SETD1A: variants seen among roughly 807,000 people sequenced by gnomAD.
SETD1A encodes SET domain containing 1A, histone lysine methyltransferase.
In SETD1A, 29 loss-of-function variants were observed where a neutral mutation model predicts 149.9. That is an observed-to-expected ratio of 0.19 (90% CI 0.14 to 0.26). The LOEUF (loss-of-function observed/expected upper bound fraction) is 0.26. Ranked by LOEUF, SETD1A falls within the 10% of genes least tolerant of loss-of-function variation. The pLI is 1.00. For synonymous variants in SETD1A, 1,141 were observed against 968.5 expected (o/e 1.18, Z -3.31); for missense variants, 2,109 against 2,353.1 (o/e 0.90, Z 2.15).
Position 30,967,597 on chromosome 16 carries a change from G to C in SETD1A, c.2770+9G>C. The C allele has an allele frequency of 6.2e-7, 1 of 1,612,942 alleles. No homozygotes were observed. Among genetic ancestry groups the C allele is most frequent in the Non-Finnish European group, 8.5e-7 (1 of 1,178,992 alleles). On this transcript the variant is annotated intron_variant, in intron 10 of 18. Transcript: ENST00000262519. ...TGAGGAAGATGAAGACGGTGAGCAGGGTCAGGCATAAGGAGAAGGGGTGTG... is the reference window on the plus strand; with the variant it reads ...TGAGGAAGATGAAGACGGTGAGCAGCGTCAGGCATAAGGAGAAGGGGTGTG...
At position 30,965,290 on chromosome 16, in the gene SETD1A, C is replaced by G; in HGVS notation, c.1548C>G (p.Asn516Lys). ...CTGACACAGAGGAGGAGGAAGAGAA[C>G]AGCAGCATGGTCCTTGGGGCCAGAG... is the stretch of plus-strand genomic sequence containing the variant. ...LASDTEEEEE[N>K]SSMVLGARDT... Residue 516 changes from asparagine to lysine, a missense_variant, in exon 7 of 19, where the codon AAC becomes AAG. By Grantham distance (94) the Asn-to-Lys change is moderately conservative. Around this residue, in one of 8 missense-constraint regions of SETD1A, gnomAD observed 431 missense variants for 388.6 expected, o/e 1.11. Coordinates refer to ENST00000262519, the MANE Select transcript of SETD1A (RefSeq NM_014712.3). 1 of 1,614,266 alleles carries G rather than the reference C, an allele frequency of 6.2e-7. No individual in the cohort carries two copies. Among genetic ancestry groups the G allele is most frequent in the East Asian group, 2.2e-5 (1 of 44,884 alleles).
At chr16:30,966,748 G>A in intron 8 of SETD1A, 136 bp from the exon 9 acceptor site, 3 of 1,006,722 alleles carry the variant, frequency 3.0e-6, no homozygotes, top group South Asian at 1.8e-5. Flanking sequence ...GCCGTGCGGG[G>A]GCTGGGACAG....
chr16:30,979,111 G>T, intron 13 of SETD1A, 34 bp from the exon 14 acceptor site: 5 of 1,507,022 alleles, frequency 3.3e-6, no homozygotes, highest in Non-Finnish European at 4.4e-6. Flanking sequence ...GGGTCTCCCT[G>T]ACCTCCTTTC....
Position 30,979,589 on chromosome 16 carries a change from T to G in SETD1A, c.3803T>G (p.Leu1268Arg). Reference protein sequence around the residue: ...DLALTPARRGLPALPAVEDSE... With the variant: ...DLALTPARRGRPALPAVEDSE... ...GCCCTGACCCCTGCCCGGCGCGGGC[T>G]GCCTGCCCTGCCTGCTGTTGAAGAC... is the stretch of plus-strand genomic sequence containing the variant. The change falls in exon 14 of 19, where the codon CTG becomes CGG. Residue 1268 changes from leucine to arginine, a missense_variant. This residue lies in a region of SETD1A where 832 missense variants were observed against 815.6 expected (regional missense o/e 1.02). Transcript: ENST00000262519. The G allele has an allele frequency of 6.2e-7, 1 of 1,610,740 alleles. No individual in the cohort carries two copies. The highest frequency in any genetic ancestry group is 8.5e-7 in the Non-Finnish European group (1 of 1,179,656).
chr16:30,977,953 T>A (rs972518251), intron 13 of SETD1A, among the ~76,000 whole-genome samples: 1 of 152,162 alleles, frequency 6.6e-6, no homozygotes, highest in Admixed American at 6.5e-5. Context: ...ACTGACCACA[T>A]CTCTGTGCCT....
intron 8 of SETD1A, 62 bp downstream of exon 8, chr16:30,966,448 TC>T: frequency 6.5e-7 from 1 of 1,528,582 alleles, no homozygotes; most frequent in South Asian, 1.3e-5. Flanking sequence ...GGCCTCTGGC[TC>T]CTCCAGGCTG....
rs374275081 is a variant in SETD1A at position 30,964,595 on chromosome 16, C to T, written c.870-17C>T. ...ATAGAGAGCTGAGTCCAGCTAACTC[C>T]CCTGCTTCTTCTCCAGCACCACTTC... On this transcript the variant is annotated splice_polypyrimidine_tract_variant and intron_variant, in intron 6 of 18. Coordinates refer to ENST00000262519, the MANE Select transcript of SETD1A (RefSeq NM_014712.3). 3 of 1,606,144 alleles carry T rather than the reference C, an allele frequency of 1.9e-6. No homozygotes were observed. The highest frequency in any genetic ancestry group is 8.5e-7 in the Non-Finnish European group (1 of 1,175,866).
chr16:30,981,674 C>T (rs2056380002), intron 17 of SETD1A, among the ~76,000 whole-genome samples: 1 of 152,258 alleles, frequency 6.6e-6, no homozygotes, highest in Non-Finnish European at 1.5e-5. Flanking sequence ...CGCATCCAGC[C>T]AAGCGCTGCT....
chr16:30,962,448 T>G (rs1364609796), intron 4 of SETD1A, among the ~76,000 whole-genome samples: 1 of 152,144 alleles, frequency 6.6e-6, no homozygotes, highest in Non-Finnish European at 1.5e-5. Flanking sequence ...TTTCTGGGTT[T>G]TTAGGTTTGG....
chr16:30,984,078 T>G lies in SETD1A; in HGVS notation c.*55T>G. ...ATTTATTCCCCCTGGTGCCCTGAGC[T>G]CCCAGCACCCCCCCAGCCTTAGTGG... On this transcript the variant is annotated 3_prime_UTR_variant, in exon 19 of 19. Transcript: ENST00000262519. 1 of 1,512,942 alleles carries G rather than the reference T, an allele frequency of 6.6e-7. No individual in the cohort carries two copies. Among genetic ancestry groups the G allele is most frequent in the South Asian group, 1.2e-5 (1 of 80,674 alleles). The allele number at this position is 1,512,942 out of a possible 1,614,324, so 93.7% of individuals were successfully genotyped here. A position where few individuals can be genotyped will look rare whatever the true frequency, so the allele number is the denominator to read the frequency against.
rs1327244941 is a variant in SETD1A at position 30,965,754 on chromosome 16, T to C, written c.1873T>C (p.Tyr625His). 1.3e-6 allele frequency: 2 copies of C among 1,534,888 alleles called. No homozygotes were observed. The highest frequency in any genetic ancestry group is 1.8e-6 in the Non-Finnish European group (2 of 1,135,766). The change falls in exon 8 of 19, where the codon TAT becomes CAT. Residue 625 changes from tyrosine (Y) to histidine (H), a missense_variant. Tyr to His is a moderately conservative substitution (Grantham distance 83). Transcript: ENST00000262519. ...PPYLASLPLGYPPHQPAYLLP... is the reference protein window; with the variant it reads ...PPYLASLPLGHPPHQPAYLLP... ...CTACCTGGCGTCCCTTCCTCTTGGT[T>C]ATCCTCCCCACCAACCTGCCTACCT...
rs956987955 is a variant in SETD1A, at chr16:30,984,437, C to T, written c.*414C>T. On this transcript the variant is annotated 3_prime_UTR_variant, in exon 19 of 19. Coordinates refer to ENST00000262519, the MANE Select transcript of SETD1A (RefSeq NM_014712.3). ...CTGGGGCAGTGGCCATGTTCTCCCC[C>T]TGGGGGGGCTCTGCACCCCCAGTCC... is the stretch of plus-strand genomic sequence containing the variant. 9 of 171,010 alleles carry T rather than the reference C, an allele frequency of 5.3e-5. No homozygotes were observed. Among genetic ancestry groups the T allele is most frequent in the Admixed American group, 1.1e-4 (2 of 18,080 alleles). 10.6% of individuals were successfully genotyped at this position (171,010 alleles called of 1,614,324 possible). A position where few individuals can be genotyped will look rare whatever the true frequency, so the allele number is the denominator to read the frequency against.
intron 8 of SETD1A, 30 bp from the exon 9 acceptor site, chr16:30,966,847 TCTGGGCG>T (rs2056154433): frequency 2.6e-6 from 4 of 1,515,530 alleles, no homozygotes; most frequent in Non-Finnish European, 3.5e-6. Flanking sequence ...ATGCCTGGGT[TCTGGGCG>T]CTGGGGCTCA....
chr16:30,969,544 C>T, intron 11 of SETD1A, 58 bp from the exon 12 acceptor site: 1 of 1,601,484 alleles, frequency 6.2e-7, no homozygotes, highest in East Asian at 2.2e-5. Context: ...GGCAGCTGTG[C>T]CTGGTGTAGG....
chr16:30,983,944 A>C lies in SETD1A; in HGVS notation c.5045A>C (p.Tyr1682Ser), dbSNP rs1214635505. Residue 1682 changes from tyrosine to serine, a missense_variant, in exon 19 of 19, where the codon TAC (tyrosine) becomes TCC (serine). Tyr to Ser is a moderately radical substitution (Grantham distance 144, BLOSUM62 -2). Transcript: ENST00000262519. This position sits in a 1 kb window ranked among gnomAD's most constrained non-coding sequence, Gnocchi z 6.8. ...ATTGGCGTGGACGAGGAGATCACCT[A>C]CGACTACAAGTTCCCACTGGAAGAC... ...QPIGVDEEITYDYKFPLEDNK... is the reference protein window; with the variant it reads ...QPIGVDEEITSDYKFPLEDNK... 1 of 1,614,132 alleles carries C rather than the reference A, an allele frequency of 6.2e-7. No individual in the cohort carries two copies. The highest frequency in any genetic ancestry group is 8.5e-7 in the Non-Finnish European group (1 of 1,179,988).
At position 30,980,264 on chromosome 16, in the gene SETD1A, T is replaced by C. The variant is rs1488354051; in HGVS notation, c.4408+70T>C. The C allele has an allele frequency of 1.3e-6, 2 of 1,498,322 alleles. No individual in the cohort carries two copies. The highest frequency in any genetic ancestry group is 1.8e-6 in the Non-Finnish European group (2 of 1,122,910). 92.8% of individuals were successfully genotyped at this position (1,498,322 alleles called of 1,614,324 possible). On this transcript the variant is annotated intron_variant, in intron 14 of 18. Transcript: ENST00000262519. The surrounding 1 kb of genome is among the most constrained non-coding windows in gnomAD (Gnocchi z 7.7). ...CGACCCCTCCAGGCACCTGCATCTG[T>C]GCCCCACTCTGTCTGCCTCCCCTCT...
At position 30,984,542 on chromosome 16, in the gene SETD1A, C is replaced by G. The variant is rs939655021; in HGVS notation, c.*519C>G. 2 of 159,398 alleles carry G rather than the reference C, an allele frequency of 1.3e-5. No individual in the cohort carries two copies. The highest frequency in any genetic ancestry group is 4.8e-5 in the African/African-American group (2 of 41,518). 9.9% of individuals were successfully genotyped at this position (159,398 alleles called of 1,614,324 possible). A position where few individuals can be genotyped will look rare whatever the true frequency, so the allele number is the denominator to read the frequency against. ...TCACCCTTCCACCCTGGTGTCACTC[C>G]CCGGCTCAGCCAGGCCAGGATGGCG... On this transcript the variant is annotated 3_prime_UTR_variant, in exon 19 of 19. Transcript: ENST00000262519.
Position 30,965,171 on chromosome 16 carries a change from A to G in SETD1A, c.1429A>G (p.Asn477Asp), listed in dbSNP as rs1415671959. 6.2e-7 allele frequency: 1 copy of G among 1,613,638 alleles called. No homozygotes were observed. The highest frequency in any genetic ancestry group is 1.3e-5 in the African/African-American group (1 of 74,972). The part of the protein sequence containing the change: ...RSGSPAPETT[N>D]ESVPFAQHSS... Reference sequence around the variant, plus strand: ...TGGCTCCCCAGCCCCGGAGACCACCAATGAGAGTGTGCCCTTCGCCCAGCA... The same window carrying G: ...TGGCTCCCCAGCCCCGGAGACCACCGATGAGAGTGTGCCCTTCGCCCAGCA... The change falls in exon 7 of 19, where the codon AAT (asparagine) becomes GAT (aspartate). Residue 477 changes from asparagine to aspartate, a missense_variant. This residue lies in a region of SETD1A where 410 missense variants were observed against 394.8 expected (regional missense o/e 1.04). Coordinates refer to ENST00000262519, the MANE Select transcript of SETD1A (RefSeq NM_014712.3).
Position 30,966,319 on chromosome 16 carries a change from A to G in SETD1A, c.2438A>G (p.Lys813Arg). 1.9e-6 allele frequency: 3 copies of G among 1,613,864 alleles called. No individual in the cohort carries two copies. Among genetic ancestry groups the G allele is most frequent in the Non-Finnish European group, 2.5e-6 (3 of 1,180,002 alleles). ...KSIMQRDLNRKMVENVAFGAF... is the reference protein window; with the variant it reads ...KSIMQRDLNRRMVENVAFGAF... ...ATCATGCAGCGAGACCTCAACCGCA[A>G]GATGGTGGAGAACGTGGCCTTCGGA... Residue 813 changes from lysine to arginine, a missense_variant, in exon 8 of 19, where the codon AAG (lysine) becomes AGG (arginine). Lys to Arg is a conservative substitution (Grantham distance 26, BLOSUM62 2). Coordinates refer to ENST00000262519, the MANE Select transcript of SETD1A (RefSeq NM_014712.3).
Sources: gnomAD v4.1 joint callset for allele counts (sites outside exome capture counted in the v4.1 genomes callset) on GRCh38, gnomAD v4.1.1 for gene constraint, gnomAD v4.1.1 regional missense constraint, Gnocchi (gnomAD v3.1) non-coding constraint, MANE v1.5 for transcripts, NCBI Gene and HGNC (gene_info 2026-07-23, HGNC 2026-07-21) for gene names.